Variants in PTPRR observed in about 807,000 individuals in gnomAD.
PTPRR encodes the protein receptor-type tyrosine-protein phosphatase R.
PTPRR carries 38 observed loss-of-function variants against 77.2 expected under a neutral mutation model. The observed-to-expected ratio is 0.49, with a 90% confidence interval of 0.38 to 0.65. The LOEUF (loss-of-function observed/expected upper bound fraction) is 0.65, where lower values mean the gene tolerates loss of function less well. Ranked by LOEUF, PTPRR falls within the 30% of genes least tolerant of loss-of-function variation. The pLI, the probability that PTPRR is intolerant of heterozygous loss-of-function variation, is 0.00. For synonymous variants in PTPRR, 299 were observed against 283.1 expected (o/e 1.06, Z -0.57); for missense variants, 744 against 799.2 (o/e 0.93, Z 0.83).
chr12:70,731,862 C>T (rs1018894850), intron 6 of PTPRR, among the ~76,000 whole-genome samples: 2 of 152,180 alleles, frequency 1.3e-5, no homozygotes, highest in Admixed American at 6.5e-5. Flanking sequence ...ACTGTGTGCA[C>T]GTGTGCCTAC....
chr12:70,882,258 C>G (rs1185569046), intron 2 of PTPRR, among the ~76,000 whole-genome samples: 1 of 152,106 alleles, frequency 6.6e-6, no homozygotes, highest in Non-Finnish European at 1.5e-5. Context: ...GAGGTATTTC[C>G]TTTTGGAACT....
At chr12:70,855,246 T>C in intron 2 of PTPRR, among the ~76,000 whole-genome samples, 1 of 152,192 alleles carries the variant, frequency 6.6e-6, no homozygotes, top group Middle Eastern at 3.2e-3. Context: ...ATGGATGTTT[T>C]ACATCCAAGA....
At chr12:70,864,596 A>G (rs1892808226) in intron 2 of PTPRR, among the ~76,000 whole-genome samples, 1 of 152,206 alleles carries the variant, frequency 6.6e-6, no homozygotes, top group Non-Finnish European at 1.5e-5. Context: ...ATATTTGTTA[A>G]TATTCCATTA....
intron 2 of PTPRR, among the ~76,000 whole-genome samples, chr12:70,843,099 T>G (rs956440830): frequency 6.6e-6 from 1 of 152,186 alleles, no homozygotes; most frequent in Admixed American, 6.5e-5. Context: ...AAGTGACAAG[T>G]GACAATTGTC....
At chr12:70,885,736 G>A (rs531114205) in intron 2 of PTPRR, among the ~76,000 whole-genome samples, 18 of 17,650 alleles carry the variant, frequency 1.0e-3, no homozygotes, top group East Asian at 7.7e-3. Context: ...GGGTTTCACC[G>A]TTAGCCAGGA....
intron 2 of PTPRR, among the ~76,000 whole-genome samples, chr12:70,873,327 A>G (rs1266594131): frequency 6.6e-6 from 1 of 152,224 alleles, no homozygotes; most frequent in Non-Finnish European, 1.5e-5. Context: ...GAACCCTGAG[A>G]GAGCAACTTA....
chr12:70,762,099 C>A (rs1320281491), intron 3 of PTPRR, among the ~76,000 whole-genome samples: 5 of 152,126 alleles, frequency 3.3e-5, no homozygotes, highest in African/African-American at 1.2e-4. Flanking sequence ...GAAGATGGTG[C>A]CAGATGATCT....
chr12:70,668,733 T>A (rs554705065), intron 10 of PTPRR, among the ~76,000 whole-genome samples: 5 of 152,304 alleles, frequency 3.3e-5, no homozygotes, highest in Middle Eastern at 3.4e-3. Context: ...AATGCACATC[T>A]GATTTTATAA....
In PTPRR at chr12:70,639,124, T is replaced by C. The variant is rs1885887903; in HGVS notation, c.*60A>G. 6.9e-7 allele frequency: 1 copy of C among 1,459,426 alleles called. No individual in the cohort carries two copies. The highest frequency in any genetic ancestry group is 9.5e-7 in the Non-Finnish European group (1 of 1,051,078). 90.4% of individuals were successfully genotyped at this position (1,459,426 alleles called of 1,614,324 possible). The stretch of plus-strand genomic sequence containing the variant: ...TGCAGGAAGCTCCTTCTAGAAGCCT[T>C]GGGTGGGTAATTTGATTAATCACCC... On this transcript the variant is annotated 3_prime_UTR_variant, in exon 14 of 14. Coordinates refer to ENST00000283228, the MANE Select transcript of PTPRR (RefSeq NM_002849.4).
intron 1 of PTPRR, among the ~76,000 whole-genome samples, chr12:70,914,141 A>C (rs936383664): frequency 1.2e-4 from 18 of 152,296 alleles, no homozygotes; most frequent in Admixed American, 8.5e-4. Context: ...AAAGGAGCAG[A>C]GTATTGGTAT....
chr12:70,766,553 G>C (rs557781210), intron 2 of PTPRR, among the ~76,000 whole-genome samples: 1 of 151,970 alleles, frequency 6.6e-6, no homozygotes, highest in Non-Finnish European at 1.5e-5. Flanking sequence ...GTACTTGAAC[G>C]TGACGGGGAG....
At chr12:70,844,125 T>G (rs1483137655) in intron 2 of PTPRR, among the ~76,000 whole-genome samples, 1 of 152,008 alleles carries the variant, frequency 6.6e-6, no homozygotes. Flanking sequence ...TTAAAAAAAT[T>G]ATCGAATTAG....
At chr12:70,893,107 T>C in intron 1 of PTPRR, 130 bp from the exon 2 acceptor site, 1 of 1,000,592 alleles carries the variant, frequency 1.0e-6, no homozygotes, top group Non-Finnish European at 1.4e-6. Flanking sequence ...TTAGTCTCCA[T>C]ATTTCTTTGT....
intron 2 of PTPRR, among the ~76,000 whole-genome samples, chr12:70,802,804 A>G (rs918512276): frequency 7.9e-5 from 12 of 152,178 alleles, no homozygotes; most frequent in Non-Finnish European, 1.5e-5. Context: ...TGATTCTGTG[A>G]GACTATAAAT....
intron 2 of PTPRR, among the ~76,000 whole-genome samples, chr12:70,855,781 T>C (rs542592425): frequency 1.3e-5 from 2 of 152,338 alleles, no homozygotes; most frequent in African/African-American, 4.8e-5. Context: ...TTTAAGGCTT[T>C]TAGGCCAAAT....
chr12:70,676,766 G>T (rs1408901520), intron 10 of PTPRR, among the ~76,000 whole-genome samples: 1 of 150,774 alleles, frequency 6.6e-6, no homozygotes, highest in Admixed American at 6.6e-5. Flanking sequence ...CATTCCATTG[G>T]TCTATGTATT....
intron 2 of PTPRR, among the ~76,000 whole-genome samples, chr12:70,791,070 TA>T (rs1891414503): frequency 6.6e-6 from 1 of 152,216 alleles, no homozygotes; most frequent in African/African-American, 2.4e-5. Context: ...ACTCTGCTTT[TA>T]TTGTTTATTT....
rs1357984199 is a variant in PTPRR at position 70,912,079 on chromosome 12, A to T, written c.58+8254T>A. On this transcript the variant is annotated intron_variant, in intron 1 of 13. Coordinates refer to ENST00000283228, the MANE Select transcript of PTPRR (RefSeq NM_002849.4). ...CTTCAGGGAGAATTTTAAAAATACC[A>T]CCTTGAATCAAGAAGACAAAGAAAC... Among the ~76,000 whole-genome samples, 3 of 152,150 alleles carry T rather than the reference A, an allele frequency of 2.0e-5. No individual in the cohort carries two copies. The East Asian group carries it at 5.8e-4, about 29-fold the overall frequency.
intron 2 of PTPRR, among the ~76,000 whole-genome samples, chr12:70,769,769 G>T (rs1474259983): frequency 1.3e-5 from 2 of 151,770 alleles, no homozygotes; most frequent in Non-Finnish European, 2.9e-5. Flanking sequence ...ATACTACAAG[G>T]CTACAGTAAA....
Sources: allele counts gnomAD v4.1 joint callset (sites outside exome capture counted in the v4.1 genomes callset), GRCh38; gene constraint gnomAD v4.1.1; transcripts MANE v1.5; gene names NCBI Gene and HGNC (gene_info 2026-07-23, HGNC 2026-07-21).